The following LRRC58 variants were observed in gnomAD, a reference collection of about 807,000 sequenced individuals.
LRRC58 encodes leucine rich repeat containing 58, also known as leucine-rich repeat-containing protein 58.
Under a neutral mutation model 30.6 loss-of-function variants are expected in LRRC58, and 18 were observed. The observed-to-expected ratio is 0.59, with a 90% confidence interval of 0.41 to 0.87. The LOEUF (loss-of-function observed/expected upper bound fraction) is 0.87, where lower values mean the gene tolerates loss of function less well. LRRC58 is among the 40% of genes least tolerant of loss of function. LRRC58 has a pLI of 0.00. For missense variants in LRRC58, 420 were observed against 468.4 expected (o/e 0.90, Z 0.95); for synonymous variants, 221 against 206.0 (o/e 1.07, Z -0.62).
In LRRC58 at chr3:120,329,554, T is replaced by C. The variant is rs900759107; in HGVS notation, c.*1646A>G. 1 of 152,172 alleles carries C rather than the reference T, an allele frequency of 6.6e-6. No homozygotes were observed. The highest frequency in any genetic ancestry group is 6.5e-5 in the Admixed American group (1 of 15,288). 9.4% of individuals were successfully genotyped at this position (152,172 alleles called of 1,614,324 possible). A position where few individuals can be genotyped will look rare whatever the true frequency, so the allele number is the denominator to read the frequency against. ...ACATCTGCAGTTCATGAAACTCTCA[T>C]GTTTCATGAATTAATATACAAATAA... On this transcript the variant is annotated 3_prime_UTR_variant, in exon 4 of 4. Coordinates refer to ENST00000295628, the MANE Select transcript of LRRC58 (RefSeq NM_001099678.2).
In LRRC58 at chr3:120,327,243, A is replaced by ATTTATTT. The variant is rs1465472379; in HGVS notation, c.*3956_*3957insAAATAAA. 1.8e-5 allele frequency: 2 copies of ATTTATTT among 109,034 alleles called. No individual in the cohort carries two copies. Among genetic ancestry groups the ATTTATTT allele is most frequent in the African/African-American group, 4.0e-5 (1 of 25,142 alleles). 6.8% of individuals were successfully genotyped at this position (109,034 alleles called of 1,614,324 possible). On this transcript the variant is annotated 3_prime_UTR_variant, in exon 4 of 4. Coordinates refer to ENST00000295628, the MANE Select transcript of LRRC58 (RefSeq NM_001099678.2). ...TCTTCTAGCCCTGTGGCTTCTAAAG[A>ATTTATTT]TTTCTTTTTTTTTTTTTTTTTTTTT...
intron 1 of LRRC58, among the ~76,000 whole-genome samples, chr3:120,343,019 T>C (rs962021866): frequency 2.0e-5 from 3 of 152,216 alleles, no homozygotes; most frequent in African/African-American, 4.8e-5. Context: ...TGGTGATCAT[T>C]TGCTACTTGA....
At chr3:120,343,352 C>CT (rs373247728) in intron 1 of LRRC58, among the ~76,000 whole-genome samples, 101 of 152,076 alleles carry the variant, frequency 6.6e-4, no homozygotes, top group African/African-American at 2.3e-3. Context: ...TCTGAATACA[C>CT]TTTTTTTTAA....
chr3:120,345,178 T>C (rs1935953129), intron 1 of LRRC58, among the ~76,000 whole-genome samples: 1 of 152,210 alleles, frequency 6.6e-6, no homozygotes, highest in Non-Finnish European at 1.5e-5. Flanking sequence ...CATAGATATC[T>C]TGCTAAATCT....
At position 120,338,527 on chromosome 3, in the gene LRRC58, C is replaced by T. The variant is rs191070704; in HGVS notation, c.501-2574G>A. On this transcript the variant is annotated intron_variant, in intron 1 of 3. Coordinates refer to ENST00000295628, the MANE Select transcript of LRRC58 (RefSeq NM_001099678.2). ...AAATGTCACAAAGAAAAAGGGGGAG[C>T]AATCAGATAGTGATGGAAGTTACAC... Among the ~76,000 whole-genome samples the T allele has an allele frequency of 1.1e-3, 169 of 152,290 alleles. 2 individuals are homozygous for T. The highest frequency in any genetic ancestry group is 1.6e-4 in the Non-Finnish European group (11 of 68,032).
intron 2 of LRRC58, 124 bp from the exon 3 acceptor site, chr3:120,335,263 T>A (rs760852059): frequency 4.9e-6 from 4 of 810,324 alleles, no homozygotes; most frequent in Admixed American, 3.1e-5. Flanking sequence ...TTAAGGTCAA[T>A]TGAAGTAAAA....
At chr3:120,343,011 G>C (rs536493285) in intron 1 of LRRC58, among the ~76,000 whole-genome samples, 1 of 152,338 alleles carries the variant, frequency 6.6e-6, no homozygotes, top group African/African-American at 2.4e-5. Flanking sequence ...CTAGTCTCTG[G>C]TGATCATTTG....
intron 1 of LRRC58, among the ~76,000 whole-genome samples, chr3:120,338,314 A>C (rs895461072): frequency 7.2e-5 from 11 of 152,246 alleles, no homozygotes; most frequent in Admixed American, 1.3e-4. Context: ...TCCTTTTAAA[A>C]ATGGAATAAT....
At chr3:120,332,644 T>G (rs1237404531) in intron 3 of LRRC58, among the ~76,000 whole-genome samples, 1 of 152,196 alleles carries the variant, frequency 6.6e-6, no homozygotes, top group African/African-American at 2.4e-5. Context: ...AAAGTATCTC[T>G]GAGAATATAA....
chr3:120,327,678 CTTTAA>C lies in LRRC58; in HGVS notation c.*3517_*3521del, dbSNP rs1559991781. Reference sequence around the variant, plus strand: ...AAACATTATTGTGGACTGCTTTTTACTTTAATTTACACAAACACAAAAACTGCTCA... The same window carrying C: ...AAACATTATTGTGGACTGCTTTTTACTTTACACAAACACAAAAACTGCTCA... On this transcript the variant is annotated 3_prime_UTR_variant, in exon 4 of 4. Transcript: ENST00000295628. 6.6e-6 allele frequency: 1 copy of C among 152,180 alleles called. No individual in the cohort carries two copies. Among genetic ancestry groups the C allele is most frequent in the Non-Finnish European group, 1.5e-5 (1 of 68,036 alleles). The allele number at this position is 152,180 out of a possible 1,614,324, so 9.4% of individuals were successfully genotyped here. A position where few individuals can be genotyped will look rare whatever the true frequency, so the allele number is the denominator to read the frequency against.
In LRRC58 at chr3:120,349,074, A is replaced by C; in HGVS notation, c.170T>G (p.Val57Gly). The change falls in exon 1 of 4, where the codon GTG becomes GGG. Residue 57 changes from valine to glycine, a missense_variant. By Grantham distance (109) the Val-to-Gly change is moderately radical (BLOSUM62 -3). Around this residue, in one of 2 missense-constraint regions of LRRC58, gnomAD observed 266 missense variants for 251.7 expected, o/e 1.06. Transcript: ENST00000295628. The part of the protein sequence containing the change: ...LRLLLPHNRL[V>G]SLPRALGSGF... Reference sequence around the variant, plus strand: ...GCTGCCCAGCGCCCGTGGCAGCGACACCAGACGGTTGTGAGGCAGCAGCAG... The same window carrying C: ...GCTGCCCAGCGCCCGTGGCAGCGACCCCAGACGGTTGTGAGGCAGCAGCAG... The C allele has an allele frequency of 6.6e-7, 1 of 1,518,434 alleles. No individual in the cohort carries two copies. The highest frequency in any genetic ancestry group is 8.8e-7 in the Non-Finnish European group (1 of 1,141,816). 94.1% of individuals were successfully genotyped at this position (1,518,434 alleles called of 1,614,324 possible).
Position 120,329,445 on chromosome 3 carries a change from A to G in LRRC58, c.*1755T>C, listed in dbSNP as rs1935724296. 1 of 152,088 alleles carries G rather than the reference A, an allele frequency of 6.6e-6. No homozygotes were observed. The highest frequency in any genetic ancestry group is 2.4e-5 in the African/African-American group (1 of 41,434). 9.4% of individuals were successfully genotyped at this position (152,088 alleles called of 1,614,324 possible). ...ATTAGATTACCTCTATAGACATAGAAAATTTCTGAGTCAAAAGGAAAACAA... is the reference window on the plus strand; with the variant it reads ...ATTAGATTACCTCTATAGACATAGAGAATTTCTGAGTCAAAAGGAAAACAA... On this transcript the variant is annotated 3_prime_UTR_variant, in exon 4 of 4. Coordinates refer to ENST00000295628, the MANE Select transcript of LRRC58 (RefSeq NM_001099678.2).
chr3:120,348,793 C>A lies in LRRC58; in HGVS notation c.451G>T (p.Gly151Cys). ...GGGATGCTCTGCAGTTGGTTGCCGCCCAGGCTCAGGGTCTGCAGCGCGCGC... is the reference window on the plus strand; with the variant it reads ...GGGATGCTCTGCAGTTGGTTGCCGCACAGGCTCAGGGTCTGCAGCGCGCGC... ...ELRALQTLSL[G>C]GNQLQSIPAE... Residue 151 changes from glycine to cysteine, a missense_variant, in exon 1 of 4, where the codon GGC becomes TGC. By Grantham distance (159) the Gly-to-Cys change is radical. Around this residue, in one of 2 missense-constraint regions of LRRC58, gnomAD observed 266 missense variants for 251.7 expected, o/e 1.06. Coordinates refer to ENST00000295628, the MANE Select transcript of LRRC58 (RefSeq NM_001099678.2). 6.2e-7 allele frequency: 1 copy of A among 1,606,000 alleles called. No homozygotes were observed. Among genetic ancestry groups the A allele is most frequent in the Non-Finnish European group, 8.5e-7 (1 of 1,176,998 alleles).
Position 120,331,361 on chromosome 3 carries a change from A to C in LRRC58, c.955T>G (p.Cys319Gly). The C allele has an allele frequency of 6.2e-7, 1 of 1,613,966 alleles. No individual in the cohort carries two copies. Among genetic ancestry groups the C allele is most frequent in the Non-Finnish European group, 8.5e-7 (1 of 1,179,826 alleles). ...ATCAGTGGGAGGCGATACTTCCCAC[A>C]GAAGTCCACAAATTTAATTTGTCTG... The part of the protein sequence containing the change: ...CVRQIKFVDF[C>G]GKYRLPLMHY... The change falls in exon 4 of 4, where the codon TGT (cysteine) becomes GGT (glycine). Residue 319 changes from cysteine (C) to glycine (G), a missense_variant. Physicochemically the swap from Cys to Gly is radical, Grantham distance 159 (BLOSUM62 -3). Around this residue, in one of 2 missense-constraint regions of LRRC58, gnomAD observed 154 missense variants for 216.8 expected, o/e 0.71. Transcript: ENST00000295628.
At position 120,331,198 on chromosome 3, in the gene LRRC58, G is replaced by A. The variant is rs1240654087; in HGVS notation, c.*2C>T. 6.2e-7 allele frequency: 1 copy of A among 1,613,708 alleles called. No individual in the cohort carries two copies. Among genetic ancestry groups the A allele is most frequent in the Non-Finnish European group, 8.5e-7 (1 of 1,179,670 alleles). Reference sequence around the variant, plus strand: ...GTATTTCACAACACTGTGCACTCCTGTTCAACCAAGAAGAACTTTCTGCAT... The same window carrying A: ...GTATTTCACAACACTGTGCACTCCTATTCAACCAAGAAGAACTTTCTGCAT... On this transcript the variant is annotated 3_prime_UTR_variant, in exon 4 of 4. Coordinates refer to ENST00000295628, the MANE Select transcript of LRRC58 (RefSeq NM_001099678.2).
chr3:120,348,243 C>T (rs1208065376), intron 1 of LRRC58, among the ~76,000 whole-genome samples: 2 of 152,166 alleles, frequency 1.3e-5, no homozygotes, highest in African/African-American at 2.4e-5. Context: ...AAGCTGCTTT[C>T]TCTACGTGGG....
intron 1 of LRRC58, among the ~76,000 whole-genome samples, chr3:120,339,965 G>A (rs191553684): frequency 5.9e-5 from 9 of 152,230 alleles, no homozygotes; most frequent in Non-Finnish European, 1.0e-4. Flanking sequence ...TCTGGTTCAA[G>A]CAATTCTACC....
chr3:120,348,381 C>T (rs1048909677), intron 1 of LRRC58, among the ~76,000 whole-genome samples: 6 of 152,166 alleles, frequency 3.9e-5, no homozygotes, highest in Non-Finnish European at 7.3e-5. Context: ...AAGGCACGTA[C>T]TTTGATCTAT....
intron 1 of LRRC58, among the ~76,000 whole-genome samples, chr3:120,347,558 ATTT>A (rs1453712845): frequency 2.7e-5 from 4 of 148,486 alleles, no homozygotes; most frequent in Admixed American, 2.7e-4. Flanking sequence ...CGCCCGGCTA[ATTT>A]TTTGTATTTT....
Sources: gnomAD v4.1 joint callset for allele counts (sites outside exome capture counted in the v4.1 genomes callset) on GRCh38, gnomAD v4.1.1 for gene constraint, gnomAD v4.1.1 regional missense constraint, MANE v1.5 for transcripts, NCBI Gene and HGNC (gene_info 2026-07-23, HGNC 2026-07-21) for gene names.